The following HIVEP3 variants were observed in gnomAD, a reference collection of about 807,000 sequenced individuals.
HIVEP3 encodes the protein HIVEP zinc finger 3.
In HIVEP3, 49 loss-of-function variants were observed where a neutral mutation model predicts 152.8. The observed-to-expected ratio is 0.32, with a 90% CI of 0.26 to 0.41. The LOEUF (loss-of-function observed/expected upper bound fraction) is 0.41. HIVEP3 is among the 10% of genes least tolerant of loss of function. HIVEP3 has a pLI of 1.00. For synonymous variants in HIVEP3, 1,269 were observed against 1,289.0 expected (o/e 0.98, Z 0.33); for missense variants, 2,790 against 3,103.3 (o/e 0.90, Z 2.40).
chr1:41,952,217 A>C (rs1157914760), intron 1 of HIVEP3, among the ~76,000 whole-genome samples: 1 of 152,150 alleles, frequency 6.6e-6, no homozygotes, highest in Non-Finnish European at 1.5e-5. Flanking sequence ...AACATATTCA[A>C]AATCAAAATC....
chr1:41,901,977 A>G (rs909002413), intron 1 of HIVEP3, among the ~76,000 whole-genome samples: 1 of 152,122 alleles, frequency 6.6e-6, no homozygotes, highest in Non-Finnish European at 1.5e-5. Flanking sequence ...CAGAACAGGG[A>G]TTCAATACCT....
chr1:41,903,693 G>A (rs1363157087), intron 1 of HIVEP3, among the ~76,000 whole-genome samples: 2 of 152,168 alleles, frequency 1.3e-5, no homozygotes, highest in African/African-American at 4.8e-5. Context: ...CAGCTGGGTG[G>A]TGTGCTCCTC....
At chr1:41,678,826 G>A (rs780684618) in intron 2 of HIVEP3, among the ~76,000 whole-genome samples, 1 of 152,218 alleles carries the variant, frequency 6.6e-6, no homozygotes, top group Non-Finnish European at 1.5e-5. Context: ...TCATCTCAAA[G>A]AGGAAGCAGT....
intron 1 of HIVEP3, among the ~76,000 whole-genome samples, chr1:41,803,346 C>T (rs576734453): frequency 3.9e-5 from 6 of 152,302 alleles, no homozygotes; most frequent in Admixed American, 1.3e-4. Flanking sequence ...CTCTGGGGCC[C>T]AAGACCAGCA....
chr1:41,930,220 A>G (rs1206655399), intron 1 of HIVEP3, among the ~76,000 whole-genome samples: 2 of 152,198 alleles, frequency 1.3e-5, no homozygotes, highest in African/African-American at 2.4e-5. Context: ...TGACAAATAC[A>G]TAGAGTTTTG....
intron 1 of HIVEP3, among the ~76,000 whole-genome samples, chr1:41,961,986 C>CA (rs1330080942): frequency 6.6e-6 from 1 of 152,188 alleles, no homozygotes; most frequent in African/African-American, 2.4e-5. Context: ...ATATTCCCAG[C>CA]AAACATTAGC....
intron 1 of HIVEP3, among the ~76,000 whole-genome samples, chr1:41,870,762 T>A (rs901867445): frequency 1.3e-5 from 2 of 151,912 alleles, no homozygotes; most frequent in Admixed American, 6.5e-5. Context: ...AACCTGCAGG[T>A]GTTATCCTGG....
chr1:41,869,109 T>C (rs939793091), intron 1 of HIVEP3, among the ~76,000 whole-genome samples: 1 of 152,330 alleles, frequency 6.6e-6, no homozygotes, highest in Admixed American at 6.5e-5. Flanking sequence ...AGGCTACTTA[T>C]GTCAGTAGAA....
intron 2 of HIVEP3, among the ~76,000 whole-genome samples, chr1:41,698,195 T>C (rs1052249052): frequency 4.6e-5 from 7 of 152,180 alleles, no homozygotes; most frequent in Non-Finnish European, 7.4e-5. Context: ...ATGCCCACCC[T>C]ACTTTTGTCC....
intron 1 of HIVEP3, among the ~76,000 whole-genome samples, chr1:41,993,268 T>G (rs1312457942): frequency 5.9e-5 from 9 of 151,450 alleles, no homozygotes; most frequent in Non-Finnish European, 1.3e-4. Context: ...AGGGCTAATA[T>G]CCAGAATCTA....
At chr1:41,621,395 C>T (rs1033861324) in intron 3 of HIVEP3, among the ~76,000 whole-genome samples, 9 of 152,248 alleles carry the variant, frequency 5.9e-5, no homozygotes, top group African/African-American at 2.2e-4. Context: ...ATGAAAACTT[C>T]GCCCTGCTTT....
Position 41,583,475 on chromosome 1 carries a change from C to A in HIVEP3, c.1323G>T (p.Leu441=). The A allele has an allele frequency of 6.2e-7, 1 of 1,613,480 alleles. No homozygotes were observed. The highest frequency in any genetic ancestry group is 8.5e-7 in the Non-Finnish European group (1 of 1,179,550). The change falls in exon 4 of 9, where the codon CTG becomes CTT. Residue 441 remains leucine (L), a synonymous_variant. Transcript: ENST00000372583. The surrounding 1 kb of genome is among the most constrained non-coding windows in gnomAD (Gnocchi z 6.9). ...MLTATSTQPL[L]PLSTEDKPSL... ...TGGGCTTGTCTTCGGTGGACAGGGG[C>A]AGGAGGGGCTGGGTGGAGGTGGCTG...
intron 1 of HIVEP3, among the ~76,000 whole-genome samples, chr1:41,801,793 A>G (rs925550717): frequency 1.3e-5 from 2 of 152,178 alleles, no homozygotes; most frequent in Non-Finnish European, 2.9e-5. Context: ...GTCCAGGAGC[A>G]GGTTGAATCC....
intron 1 of HIVEP3, among the ~76,000 whole-genome samples, chr1:41,760,449 C>A (rs1647596254): frequency 6.6e-6 from 1 of 152,164 alleles, no homozygotes; most frequent in Non-Finnish European, 1.5e-5. Flanking sequence ...GGTCAATGCC[C>A]AGCCTGACCC....
chr1:42,012,932 G>A (rs1321832579), intron 1 of HIVEP3, among the ~76,000 whole-genome samples: 1 of 152,194 alleles, frequency 6.6e-6, no homozygotes, highest in Non-Finnish European at 1.5e-5. Flanking sequence ...CATTAGATGT[G>A]ATGAAACACA....
chr1:41,574,146 C>T (rs1490551198), intron 5 of HIVEP3, among the ~76,000 whole-genome samples: 3 of 151,974 alleles, frequency 2.0e-5, no homozygotes, highest in African/African-American at 4.8e-5. Flanking sequence ...ACTCAGCAGC[C>T]CTCAGAGACC....
At chr1:41,735,049 C>T (rs1367575406) in intron 1 of HIVEP3, among the ~76,000 whole-genome samples, 2 of 152,198 alleles carry the variant, frequency 1.3e-5, no homozygotes, top group South Asian at 2.1e-4. Context: ...TTGCCAGTAC[C>T]ATGACTTTTT....
At position 41,779,872 on chromosome 1, in the gene HIVEP3, G is replaced by T. The variant is rs148916776; in HGVS notation, c.-800-78877C>A. On this transcript the variant is annotated intron_variant, in intron 1 of 8. Transcript: ENST00000372583. ...TGGGGAGAAAGTGGAAAGGGCACAG[G>T]CTTTGGGGTCAGACAGATGCCGATG... is the stretch of plus-strand genomic sequence containing the variant. Among the ~76,000 whole-genome samples the T allele has an allele frequency of 1.5e-3, 234 of 152,306 alleles. 1 individual carries two copies. Among genetic ancestry groups the T allele is most frequent in the South Asian group, 2.9e-3 (14 of 4,828 alleles).
chr1:41,651,596 A>G (rs1645550589), intron 2 of HIVEP3, among the ~76,000 whole-genome samples: 1 of 152,194 alleles, frequency 6.6e-6, no homozygotes, highest in Non-Finnish European at 1.5e-5. Context: ...CAAACACTAC[A>G]CCATTTTATA....
Sources: gnomAD v4.1 joint callset for allele counts (sites outside exome capture counted in the v4.1 genomes callset) on GRCh38, gnomAD v4.1.1 for gene constraint, Gnocchi (gnomAD v3.1) non-coding constraint, MANE v1.5 for transcripts, NCBI Gene and HGNC (gene_info 2026-07-23, HGNC 2026-07-21) for gene names.